The following FOXP1 variants were observed in gnomAD, a reference collection of about 807,000 sequenced individuals.
FOXP1 encodes forkhead box P1, also known as forkhead box protein P1.
A neutral mutation model predicts 98.2 loss-of-function variants in FOXP1; 15 were observed. The ratio of observed to expected loss-of-function variants is 0.15; its 90% confidence interval spans 0.10 to 0.24. The LOEUF (loss-of-function observed/expected upper bound fraction) is 0.24. FOXP1 is among the 10% of genes least tolerant of loss of function. The probability of loss-of-function intolerance (pLI) is 1.00; values close to 1 mark genes in which losing one functional copy is unlikely to be tolerated. For missense variants in FOXP1, 633 were observed against 848.5 expected, an observed-to-expected ratio of 0.75 and a Z score of 3.15; for synonymous variants, 371 against 314.5, an observed-to-expected ratio of 1.18 and a Z score of -1.90.
chr3:71,081,057 C>T (rs2054358038), intron 7 of FOXP1, among the ~76,000 whole-genome samples: 1 of 152,194 alleles, frequency 6.6e-6, no homozygotes, highest in African/African-American at 2.4e-5. Flanking sequence ...AGGAGGCAAC[C>T]TCCGACTAAA....
At position 70,954,870 on chromosome 3, in the gene FOXP1, T is replaced by G; in HGVS notation, c.*4377A>C. Reference sequence around the variant, plus strand: ...TCAAGGAATGAGTTTCTTTTATGCCTTATCAAAACAAAACAAAACAAAACA... The same window carrying G: ...TCAAGGAATGAGTTTCTTTTATGCCGTATCAAAACAAAACAAAACAAAACA... On this transcript the variant is annotated 3_prime_UTR_variant, in exon 21 of 21. Coordinates refer to ENST00000649528, the MANE Select transcript of FOXP1 (RefSeq NM_001349338.3). 4.3e-6 allele frequency: 1 copy of G among 231,176 alleles called. No individual in the cohort carries two copies. The highest frequency in any genetic ancestry group is 8.5e-6 in the Non-Finnish European group (1 of 117,764). The allele number at this position is 231,176 out of a possible 1,614,324, so 14.3% of individuals were successfully genotyped here.
At chr3:71,357,438 C>T (rs900759604) in intron 4 of FOXP1, among the ~76,000 whole-genome samples, 11 of 152,156 alleles carry the variant, frequency 7.2e-5, no homozygotes, top group African/African-American at 2.4e-4. Flanking sequence ...AGAAGGCATT[C>T]ATTGAAAATA....
intron 3 of FOXP1, among the ~76,000 whole-genome samples, chr3:71,451,752 C>CA (rs1560505882): frequency 6.6e-6 from 1 of 152,164 alleles, no homozygotes; most frequent in Non-Finnish European, 1.5e-5. Context: ...TGGCCATCCC[C>CA]TATTTTTAAG....
chr3:71,047,986 A>G (rs2049267581), intron 9 of FOXP1, among the ~76,000 whole-genome samples: 1 of 152,162 alleles, frequency 6.6e-6, no homozygotes, highest in African/African-American at 2.4e-5. Flanking sequence ...TAATTATCTG[A>G]GTGATAGAAA....
intron 2 of FOXP1, among the ~76,000 whole-genome samples, chr3:71,531,218 G>A (rs771266104): frequency 1.3e-5 from 2 of 152,186 alleles, no homozygotes; most frequent in South Asian, 2.1e-4. Context: ...GTTCAAATCC[G>A]GGCTTAGGAT....
intron 6 of FOXP1, among the ~76,000 whole-genome samples, chr3:71,121,224 T>C (rs1029363277): frequency 6.6e-6 from 1 of 152,008 alleles, no homozygotes; most frequent in Non-Finnish European, 1.5e-5. Context: ...GGCATTCTGC[T>C]ACAAACCCCA....
chr3:71,583,089 G>A (rs1374977596), intron 1 of FOXP1, among the ~76,000 whole-genome samples: 1 of 151,634 alleles, frequency 6.6e-6, no homozygotes, highest in African/African-American at 2.4e-5. Flanking sequence ...CCCCGCGCCC[G>A]GGCGGCCACC....
intron 4 of FOXP1, among the ~76,000 whole-genome samples, chr3:71,300,679 A>G (rs948706307): frequency 2.0e-5 from 3 of 152,198 alleles, no homozygotes; most frequent in African/African-American, 7.2e-5. Flanking sequence ...GTGAAAAGAA[A>G]AACATTTGTT....
chr3:71,270,745 A>G (rs1030102339), intron 5 of FOXP1, among the ~76,000 whole-genome samples: 1 of 152,192 alleles, frequency 6.6e-6, no homozygotes, highest in Non-Finnish European at 1.5e-5. Flanking sequence ...AAAGTTACCA[A>G]GTGGAGTGGA....
chr3:70,964,005 G>A (rs2034183831), intron 20 of FOXP1, among the ~76,000 whole-genome samples: 1 of 152,148 alleles, frequency 6.6e-6, no homozygotes, highest in Non-Finnish European at 1.5e-5. Flanking sequence ...TTGCATCATA[G>A]CAGGGTAATG....
chr3:71,581,226 T>C lies in FOXP1; in HGVS notation c.-298+323A>G, dbSNP rs2048136820. On this transcript the variant is annotated intron_variant, in intron 2 of 20. Coordinates refer to ENST00000649528, the MANE Select transcript of FOXP1 (RefSeq NM_001349338.3). ...GTATTTGGATACAATGACTTGGAAA[T>C]AATTAATAGTTATAAGAGGGGAGTG... 5 of 985,112 alleles carry C rather than the reference T, an allele frequency of 5.1e-6. No individual in the cohort carries two copies. In the South Asian group the frequency reaches 2.4e-4, roughly 46 times the overall value. 61.0% of individuals were successfully genotyped at this position (985,112 alleles called of 1,614,324 possible).
intron 2 of FOXP1, among the ~76,000 whole-genome samples, chr3:71,511,415 G>A (rs1038881565): frequency 6.6e-6 from 1 of 151,878 alleles, no homozygotes; most frequent in Non-Finnish European, 1.5e-5. Context: ...CCTCCATTGG[G>A]GCATTCCATG....
At chr3:70,970,554 C>T (rs185393848) in intron 19 of FOXP1, 182 bp downstream of exon 19, 12 of 624,018 alleles carry the variant, frequency 1.9e-5, no homozygotes, top group African/African-American at 1.8e-4. Flanking sequence ...TGCTAAGCAT[C>T]CCGCTAACGC....
intron 14 of FOXP1, 50 bp from the exon 15 acceptor site, chr3:70,978,079 AC>A: frequency 6.7e-7 from 1 of 1,487,922 alleles, no homozygotes; most frequent in Non-Finnish European, 9.4e-7. Flanking sequence ...AACCAGAGCA[AC>A]CCAGGAACCA....
At chr3:71,050,186 T>C (rs1337835438) in intron 9 of FOXP1, among the ~76,000 whole-genome samples, 2 of 152,224 alleles carry the variant, frequency 1.3e-5, no homozygotes, top group South Asian at 2.1e-4. Context: ...TGCTCTGAGA[T>C]GCTTTCCTTT....
chr3:71,467,090 G>GA (rs1007310353), intron 3 of FOXP1, among the ~76,000 whole-genome samples: 1 of 152,144 alleles, frequency 6.6e-6, no homozygotes, highest in Non-Finnish European at 1.5e-5. Flanking sequence ...GCGAGCTTGA[G>GA]AAAAAGGAAA....
intron 5 of FOXP1, among the ~76,000 whole-genome samples, chr3:71,225,586 T>C (rs2065771144): frequency 6.6e-6 from 1 of 152,226 alleles, no homozygotes; most frequent in Non-Finnish European, 1.5e-5. Flanking sequence ...TTCTGTAAGA[T>C]AAACAGAGAT....
intron 3 of FOXP1, among the ~76,000 whole-genome samples, chr3:71,434,937 C>A (rs2085099005): frequency 6.6e-6 from 1 of 151,862 alleles, no homozygotes; most frequent in Admixed American, 6.6e-5. Context: ...CTAACAGGCC[C>A]CCGTCACCTC....
intron 20 of FOXP1, among the ~76,000 whole-genome samples, chr3:70,960,987 C>T (rs1009951185): frequency 1.4e-4 from 21 of 151,630 alleles, no homozygotes; most frequent in Non-Finnish European, 1.5e-5. Flanking sequence ...GGACTATAGG[C>T]ACCTGCCACC....
Sources: allele counts gnomAD v4.1 joint callset (sites outside exome capture counted in the v4.1 genomes callset), GRCh38; gene constraint gnomAD v4.1.1; transcripts MANE v1.5; gene names NCBI Gene and HGNC (gene_info 2026-07-23, HGNC 2026-07-21).